SAMD5: variants seen among roughly 807,000 people sequenced by gnomAD.
The protein encoded by SAMD5 is sterile alpha motif domain-containing protein 5.
Under a neutral mutation model 11.3 loss-of-function variants are expected in SAMD5, and 13 were observed. The ratio of observed to expected loss-of-function variants is 1.15; its 90% confidence interval spans 0.75 to 1.83. The LOEUF is 1.83. Among genes scored for constraint, SAMD5 ranks in the 40% most tolerant of loss-of-function variants. The probability of loss-of-function intolerance (pLI) is 0.00; values close to 1 mark genes in which losing one functional copy is unlikely to be tolerated. For missense variants in SAMD5, 255 were observed against 239.1 expected (o/e 1.07, Z -0.44); for synonymous variants, 129 against 111.3 (o/e 1.16, Z -1.00).
the SAMD5 span, among the ~76,000 whole-genome samples, chr6:147,864,802 C>T: frequency 5.3e-5 from 8 of 152,176 alleles, no homozygotes; most frequent in Admixed American, 2.6e-4. Flanking sequence ...CATATGTCTA[C>T]TCATGATATG....
At chr6:147,757,766 A>G in the SAMD5 span, among the ~76,000 whole-genome samples, 3 of 152,180 alleles carry the variant, frequency 2.0e-5, no homozygotes, top group African/African-American at 7.2e-5. Flanking sequence ...TTTTCTATTT[A>G]CTAATTAAGG....
At chr6:147,538,216 T>C (rs1788543835) in intron 1 of SAMD5, among the ~76,000 whole-genome samples, 1 of 152,208 alleles carries the variant, frequency 6.6e-6, no homozygotes, top group African/African-American at 2.4e-5. Context: ...AAATAATTTT[T>C]TTTAAATCTT....
intron 1 of SAMD5, among the ~76,000 whole-genome samples, chr6:147,655,768 G>A (rs1221744959): frequency 1.3e-5 from 2 of 152,040 alleles, no homozygotes; most frequent in East Asian, 3.9e-4. Context: ...TTTTCATTGT[G>A]AAAAAGTGTG....
At chr6:147,589,611 A>G (rs1310001936) in intron 1 of SAMD5, among the ~76,000 whole-genome samples, 2 of 152,192 alleles carry the variant, frequency 1.3e-5, no homozygotes, top group Non-Finnish European at 2.9e-5. Flanking sequence ...TTAGAAAGGC[A>G]GTAAAATATA....
chr6:147,915,894 C>A, the SAMD5 span, among the ~76,000 whole-genome samples: 1 of 121,722 alleles, frequency 8.2e-6, no homozygotes, highest in Admixed American at 9.0e-5. Flanking sequence ...AATGCTATCC[C>A]TCCCCCCTCC....
intron 1 of SAMD5, among the ~76,000 whole-genome samples, chr6:147,685,081 A>G (rs1370556283): frequency 1.3e-5 from 2 of 152,218 alleles, no homozygotes; most frequent in African/African-American, 4.8e-5. Context: ...CATCTTTTCT[A>G]TGCCTTGGCA....
the SAMD5 span, among the ~76,000 whole-genome samples, chr6:147,909,338 T>C: frequency 7.9e-5 from 12 of 152,216 alleles, no homozygotes; most frequent in African/African-American, 2.2e-4. Flanking sequence ...GTCAGTAATG[T>C]TGATCTCACT....
chr6:147,905,179 C>A, the SAMD5 span, among the ~76,000 whole-genome samples: 2 of 151,790 alleles, frequency 1.3e-5, no homozygotes, highest in Non-Finnish European at 2.9e-5. Flanking sequence ...TGAGCCACTG[C>A]GCCCGGCCTT....
chr6:147,790,947 AGTATT>A, the SAMD5 span, among the ~76,000 whole-genome samples: 1 of 151,756 alleles, frequency 6.6e-6, no homozygotes, highest in South Asian at 2.1e-4. Flanking sequence ...CTTTGTGTTA[AGTATT>A]GTGTGTGTAT....
At chr6:147,689,889 T>G (rs1022304342) in intron 1 of SAMD5, among the ~76,000 whole-genome samples, 1 of 152,194 alleles carries the variant, frequency 6.6e-6, no homozygotes, top group Non-Finnish European at 1.5e-5. Context: ...TAAAAAGTAA[T>G]TCTGTCTGGA....
At chr6:147,651,098 T>C (rs1790477004) in intron 1 of SAMD5, among the ~76,000 whole-genome samples, 2 of 152,214 alleles carry the variant, frequency 1.3e-5, no homozygotes, top group Non-Finnish European at 2.9e-5. Context: ...GTCTGGAAGA[T>C]ATAAAACGCC....
intron 1 of SAMD5, among the ~76,000 whole-genome samples, chr6:147,665,583 G>A (rs1790705822): frequency 6.6e-6 from 1 of 152,162 alleles, no homozygotes; most frequent in Non-Finnish European, 1.5e-5. Context: ...CAAGATTTAT[G>A]CCTGATGTAA....
At chr6:147,511,961 T>C (rs931921966) in intron 1 of SAMD5, among the ~76,000 whole-genome samples, 10 of 152,164 alleles carry the variant, frequency 6.6e-5, no homozygotes, top group Admixed American at 5.9e-4. Flanking sequence ...TAGTATTTTT[T>C]GTTTGTTTGT....
the SAMD5 span, among the ~76,000 whole-genome samples, chr6:147,877,906 G>A: frequency 5.1e-5 from 1 of 19,794 alleles, no homozygotes; most frequent in Non-Finnish European, 9.6e-5. Flanking sequence ...TAGATAGATA[G>A]ATAGCTAGCT....
the SAMD5 span, among the ~76,000 whole-genome samples, chr6:147,878,622 T>TAC: frequency 6.8e-6 from 1 of 146,726 alleles, no homozygotes; most frequent in African/African-American, 2.5e-5. Flanking sequence ...GATATATATG[T>TAC]ATATATATCT....
At chr6:147,661,526 T>G (rs12660227) in intron 1 of SAMD5, among the ~76,000 whole-genome samples, 13,552 of 152,260 alleles carry the variant, frequency 0.089, 896 homozygotes, top group East Asian at 0.26. Flanking sequence ...TACCCATCGT[T>G]TAGGAAACTG....
the SAMD5 span, among the ~76,000 whole-genome samples, chr6:147,830,461 A>G: frequency 2.0e-5 from 3 of 151,616 alleles, no homozygotes; most frequent in Admixed American, 2.0e-4. Flanking sequence ...TTCACCACGT[A>G]AGCCAGGCTG....
At chr6:147,628,154 G>C (rs1790086572) in intron 1 of SAMD5, among the ~76,000 whole-genome samples, 2 of 152,146 alleles carry the variant, frequency 1.3e-5, no homozygotes, top group Non-Finnish European at 2.9e-5. Context: ...CTGTAATCCA[G>C]TCACAGGCTC....
rs370794276 is a variant in SAMD5, at chr6:147,509,407, G to A, written c.459+20G>A. 17 of 1,500,672 alleles carry A rather than the reference G, an allele frequency of 1.1e-5. No individual in the cohort carries two copies. In the African/African-American group the frequency reaches 2.2e-4, roughly 19 times the overall value. The allele number at this position is 1,500,672 out of a possible 1,614,324, so 93.0% of individuals were successfully genotyped here. The stretch of plus-strand genomic sequence containing the variant: ...CGCAAGGTAAGGAGGTGCCGTCCGG[G>A]CGGCCCGGGGCGCGCGGCGGGAGGG... On this transcript the variant is annotated intron_variant, in intron 1 of 1. Transcript: ENST00000367474.
Sources: gnomAD v4.1 joint callset for allele counts (sites outside exome capture counted in the v4.1 genomes callset) on GRCh38, gnomAD v4.1.1 for gene constraint, MANE v1.5 for transcripts, NCBI Gene and HGNC (gene_info 2026-07-23, HGNC 2026-07-21) for gene names.